Variants in RAP1GDS1 observed in about 807,000 individuals in gnomAD.
RAP1GDS1 encodes RAP1, GTP-GDP dissociation stimulator 1.
Under a neutral mutation model 71.1 loss-of-function variants are expected in RAP1GDS1, and 35 were observed. The observed-to-expected ratio is 0.49, with a 90% confidence interval of 0.38 to 0.65. The LOEUF (loss-of-function observed/expected upper bound fraction) is 0.65. Ranked by LOEUF, RAP1GDS1 falls within the 30% of genes least tolerant of loss-of-function variation. The pLI is 0.00. For missense variants in RAP1GDS1, 663 were observed against 706.1 expected (o/e 0.94, Z 0.69); for synonymous variants, 229 against 243.1 (o/e 0.94, Z 0.54).
chr4:98,415,175 C>T (rs913346086), intron 7 of RAP1GDS1, among the ~76,000 whole-genome samples: 2 of 152,220 alleles, frequency 1.3e-5, no homozygotes, highest in African/African-American at 2.4e-5. Flanking sequence ...GAATATGGCT[C>T]TATTCTGCCT....
intron 12 of RAP1GDS1, among the ~76,000 whole-genome samples, chr4:98,426,813 C>T (rs1366660340): frequency 1.3e-5 from 2 of 152,108 alleles, no homozygotes; most frequent in African/African-American, 4.8e-5. Flanking sequence ...GGTACCAATC[C>T]TATTGACACT....
At chr4:98,386,128 A>G (rs1042910547) in intron 5 of RAP1GDS1, among the ~76,000 whole-genome samples, 5 of 151,808 alleles carry the variant, frequency 3.3e-5, no homozygotes, top group Non-Finnish European at 5.9e-5. Context: ...TTCTTTAATC[A>G]GAATAAACAT....
At chr4:98,328,783 A>G (rs937726414) in intron 2 of RAP1GDS1, among the ~76,000 whole-genome samples, 1 of 152,202 alleles carries the variant, frequency 6.6e-6, no homozygotes, top group African/African-American at 2.4e-5. Flanking sequence ...CCTGGGTTCA[A>G]GTGATTCTCC....
chr4:98,339,215 G>A (rs1320023244), intron 2 of RAP1GDS1, among the ~76,000 whole-genome samples: 3 of 152,142 alleles, frequency 2.0e-5, no homozygotes, highest in African/African-American at 7.2e-5. Context: ...GAGGTCAGGT[G>A]GAGTGAGGAC....
intron 6 of RAP1GDS1, among the ~76,000 whole-genome samples, chr4:98,401,850 C>T (rs1401525870): frequency 6.6e-6 from 1 of 151,964 alleles, no homozygotes; most frequent in Admixed American, 6.6e-5. Context: ...ATTTGGTTTC[C>T]TTTTATTAAG....
intron 2 of RAP1GDS1, among the ~76,000 whole-genome samples, chr4:98,336,150 A>G (rs1314042557): frequency 6.6e-6 from 1 of 152,164 alleles, no homozygotes; most frequent in Non-Finnish European, 1.5e-5. Flanking sequence ...CTTAGTCTGC[A>G]GTAAGAAATC....
At chr4:98,377,007 T>C (rs978683314) in intron 4 of RAP1GDS1, among the ~76,000 whole-genome samples, 2 of 151,998 alleles carry the variant, frequency 1.3e-5, no homozygotes, top group African/African-American at 2.4e-5. Context: ...ACTAGCTTAG[T>C]GTGGATAAGA....
At chr4:98,394,342 A>G (rs2110132864) in intron 6 of RAP1GDS1, among the ~76,000 whole-genome samples, 1 of 152,288 alleles carries the variant, frequency 6.6e-6, no homozygotes, top group Non-Finnish European at 1.5e-5. Flanking sequence ...GAAAAGTATT[A>G]GTCATTATTA....
intron 6 of RAP1GDS1, among the ~76,000 whole-genome samples, chr4:98,392,703 G>GA (rs563968500): frequency 1.1e-4 from 16 of 150,056 alleles, no homozygotes; most frequent in Non-Finnish European, 7.4e-5. Context: ...CCTGTCTCAA[G>GA]AAAAAAAAAG....
chr4:98,304,072 A>G (rs970765138), intron 2 of RAP1GDS1, among the ~76,000 whole-genome samples: 2 of 152,156 alleles, frequency 1.3e-5, no homozygotes, highest in South Asian at 4.1e-4. Flanking sequence ...CATGGTGTAT[A>G]TCTACCACAT....
chr4:98,359,567 A>G (rs1473358832), intron 4 of RAP1GDS1, among the ~76,000 whole-genome samples: 1 of 152,166 alleles, frequency 6.6e-6, no homozygotes, highest in Non-Finnish European at 1.5e-5. Context: ...TTGGGGCTGT[A>G]GGACATGTAA....
intron 12 of RAP1GDS1, 82 bp from the exon 13 acceptor site, chr4:98,433,854 C>G: frequency 7.2e-7 from 1 of 1,381,600 alleles, no homozygotes; most frequent in Admixed American, 1.9e-5. Context: ...CAAAACCACT[C>G]AACAATGAGT....
intron 7 of RAP1GDS1, among the ~76,000 whole-genome samples, chr4:98,413,146 A>T (rs546775517): frequency 6.6e-6 from 1 of 152,226 alleles, no homozygotes; most frequent in East Asian, 1.9e-4. Flanking sequence ...TCTCAACCGC[A>T]TAAGACAGAT....
intron 6 of RAP1GDS1, among the ~76,000 whole-genome samples, chr4:98,393,957 G>C (rs933774895): frequency 1.3e-5 from 2 of 151,992 alleles, no homozygotes; most frequent in African/African-American, 4.8e-5. Flanking sequence ...TTATATTTCT[G>C]TTGGACAGTG....
At chr4:98,423,793 C>T (rs966401222) in intron 12 of RAP1GDS1, among the ~76,000 whole-genome samples, 2 of 152,132 alleles carry the variant, frequency 1.3e-5, no homozygotes, top group Non-Finnish European at 1.5e-5. Context: ...ATCCGCCTAC[C>T]TCGGCCTCCC....
At chr4:98,264,881 A>G (rs1448885059) in intron 1 of RAP1GDS1, among the ~76,000 whole-genome samples, 4 of 152,340 alleles carry the variant, frequency 2.6e-5, no homozygotes, top group Non-Finnish European at 5.9e-5. Flanking sequence ...CCAGGATATG[A>G]TTAAACAGCA....
intron 2 of RAP1GDS1, among the ~76,000 whole-genome samples, chr4:98,318,004 G>A (rs1457555614): frequency 7.2e-5 from 11 of 151,814 alleles, no homozygotes; most frequent in South Asian, 4.2e-4. Flanking sequence ...CACCACGCCC[G>A]GCTAATTTTT....
chr4:98,407,244 T>C (rs1258988053), intron 7 of RAP1GDS1, among the ~76,000 whole-genome samples: 1 of 151,794 alleles, frequency 6.6e-6, no homozygotes, highest in African/African-American at 2.4e-5. Context: ...TCTTCTCTCT[T>C]TTTTTTTGTT....
At chr4:98,371,934 T>G (rs778756857) in intron 4 of RAP1GDS1, among the ~76,000 whole-genome samples, 81 of 152,182 alleles carry the variant, frequency 5.3e-4, no homozygotes, top group Non-Finnish European at 1.0e-3. Context: ...TCTGACCATC[T>G]CTCCCTTTTA....
Sources: gnomAD v4.1 joint callset for allele counts (sites outside exome capture counted in the v4.1 genomes callset) on GRCh38, gnomAD v4.1.1 for gene constraint, MANE v1.5 for transcripts, NCBI Gene and HGNC (gene_info 2026-07-23, HGNC 2026-07-21) for gene names.